Variants in ZYG11A observed in about 807,000 individuals in gnomAD.
ZYG11A encodes zyg-11 family member A, cell cycle regulator.
In ZYG11A, 62 loss-of-function variants were observed where a neutral mutation model predicts 77.2. The ratio of observed to expected loss-of-function variants is 0.80; its 90% CI spans 0.65 to 0.99. The LOEUF (loss-of-function observed/expected upper bound fraction) is 0.99. ZYG11A is among the 50% of genes least tolerant of loss of function. The pLI is 0.00. For synonymous variants in ZYG11A, 315 were observed against 324.6 expected (o/e 0.97, Z 0.32); for missense variants, 828 against 896.8 (o/e 0.92, Z 0.98).
In ZYG11A at chr1:52,850,935, C is replaced by G. The variant is rs556983973; in HGVS notation, c.91-3530C>G. The stretch of plus-strand genomic sequence containing the variant: ...ATTTCAGTTATTTTGGGATTTGTTT[C>G]TATTGACTTTTTTTTCCTGCTTCTC... On this transcript the variant is annotated intron_variant, in intron 1 of 13. Coordinates refer to ENST00000371528, the MANE Select transcript of ZYG11A (RefSeq NM_001004339.3). Among the ~76,000 whole-genome samples, 31 of 152,158 alleles carry G rather than the reference C, an allele frequency of 2.0e-4. 1 individual carries two copies. The highest frequency in any genetic ancestry group is 1.7e-3 in the Admixed American group (26 of 15,272).
chr1:52,856,586 AAAT>A (rs1165799272), intron 2 of ZYG11A, among the ~76,000 whole-genome samples: 1 of 152,184 alleles, frequency 6.6e-6, no homozygotes, highest in Non-Finnish European at 1.5e-5. Context: ...ATTTGGTTAA[AAAT>A]AATATTAGTA....
Position 52,887,868 on chromosome 1 carries a change from T to G in ZYG11A, c.2104+815T>G, listed in dbSNP as rs193067475. ...TGTCTTAAAAAAATAAAATCCCCTT[T>G]GAGAATTTTCCGTTGATATCCTTTG... On this transcript the variant is annotated intron_variant, in intron 13 of 13. Coordinates refer to ENST00000371528, the MANE Select transcript of ZYG11A (RefSeq NM_001004339.3). Among the ~76,000 whole-genome samples, 18 of 152,296 alleles carry G rather than the reference T, an allele frequency of 1.2e-4. 1 individual carries two copies. In the East Asian group the frequency reaches 3.5e-3, roughly 29 times the overall value.
intron 4 of ZYG11A, among the ~76,000 whole-genome samples, chr1:52,861,749 G>A (rs1402365957): frequency 6.6e-6 from 1 of 152,028 alleles, no homozygotes; most frequent in Non-Finnish European, 1.5e-5. Context: ...CAGCTCAAAA[G>A]CTGTATAAAG....
intron 1 of ZYG11A, among the ~76,000 whole-genome samples, chr1:52,843,476 G>T (rs1645493543): frequency 6.6e-6 from 1 of 152,190 alleles, no homozygotes; most frequent in South Asian, 2.1e-4. Flanking sequence ...GAGGCCTTTG[G>T]GCCCGGGGCC....
chr1:52,850,319 A>ATTT (rs1333938329), intron 1 of ZYG11A, among the ~76,000 whole-genome samples: 1 of 134,122 alleles, frequency 7.5e-6, no homozygotes, highest in Non-Finnish European at 1.6e-5. Flanking sequence ...ACGCCCAGCT[A>ATTT]TTTTTTTTTT....
intron 8 of ZYG11A, among the ~76,000 whole-genome samples, chr1:52,873,781 C>T (rs1405717482): frequency 6.6e-6 from 1 of 151,854 alleles, no homozygotes; most frequent in Non-Finnish European, 1.5e-5. Flanking sequence ...GTTAAGAAAT[C>T]GAGACCAGCC....
In ZYG11A at chr1:52,877,707, AGAC is replaced by A; in HGVS notation, c.1569_1571del (p.Lys523_Thr524delinsAsn). The A allele has an allele frequency of 6.4e-7, 1 of 1,550,428 alleles. No homozygotes were observed. Among genetic ancestry groups the A allele is most frequent in the South Asian group, 1.2e-5 (1 of 83,466 alleles). ...GAACTTCTAGCAATAGTAAAACAAA[AGAC>A]TACTGAGAATTTAGATGATGTCACC... On this transcript the variant is annotated inframe_deletion, in exon 9 of 14. Coordinates refer to ENST00000371528, the MANE Select transcript of ZYG11A (RefSeq NM_001004339.3).
Position 52,857,743 on chromosome 1 carries a change from C to A in ZYG11A, c.1002C>A (p.Gly334=). Residue 334 remains glycine, a synonymous_variant, in exon 3 of 14, where the codon GGC becomes GGA. Coordinates refer to ENST00000371528, the MANE Select transcript of ZYG11A (RefSeq NM_001004339.3). ...GSSDFFTTKQ[G]LRVAGGASMS... ...CTGACTTCTTTACTACAAAGCAAGG[C>A]TTGAGGGTTTGTTCTTATCTGAATA... is the stretch of plus-strand genomic sequence containing the variant. 1 of 1,543,936 alleles carries A rather than the reference C, an allele frequency of 6.5e-7. No homozygotes were observed. The highest frequency in any genetic ancestry group is 8.7e-7 in the Non-Finnish European group (1 of 1,143,630).
chr1:52,865,280 A>G (rs1242988229), intron 5 of ZYG11A, among the ~76,000 whole-genome samples: 1 of 152,158 alleles, frequency 6.6e-6, no homozygotes, highest in Non-Finnish European at 1.5e-5. Flanking sequence ...GAAAAGGTAG[A>G]TGATAGACTG....
chr1:52,867,472 T>C (rs1183938202), intron 6 of ZYG11A, 67 bp from the exon 7 acceptor site: 10 of 1,052,906 alleles, frequency 9.5e-6, no homozygotes, highest in Admixed American at 4.3e-5. Flanking sequence ...GAATGCCAAA[T>C]GATTTCTTCT....
intron 13 of ZYG11A, among the ~76,000 whole-genome samples, chr1:52,887,578 A>G (rs984687150): frequency 2.6e-5 from 4 of 152,116 alleles, no homozygotes; most frequent in African/African-American, 9.6e-5. Context: ...CATGTTTTGC[A>G]ATTTAAAATC....
chr1:52,884,632 C>T (rs976249946), intron 11 of ZYG11A, among the ~76,000 whole-genome samples: 3 of 151,768 alleles, frequency 2.0e-5, no homozygotes, highest in African/African-American at 4.8e-5. Context: ...CCAGCCTGGG[C>T]AACAAGAGTG....
At chr1:52,875,363 G>A (rs533950635) in intron 8 of ZYG11A, among the ~76,000 whole-genome samples, 2 of 152,182 alleles carry the variant, frequency 1.3e-5, no homozygotes, top group Non-Finnish European at 2.9e-5. Context: ...CAGAGGTGGG[G>A]TCAGTCTTTA....
At chr1:52,850,608 G>A (rs1196712368) in intron 1 of ZYG11A, among the ~76,000 whole-genome samples, 4 of 151,786 alleles carry the variant, frequency 2.6e-5, no homozygotes, top group Non-Finnish European at 5.9e-5. Flanking sequence ...GTGAGCCACC[G>A]CGCCCAACTT....
chr1:52,854,866 TA>T (rs1283193963), intron 2 of ZYG11A, among the ~76,000 whole-genome samples: 1 of 133,782 alleles, frequency 7.5e-6, no homozygotes, highest in Admixed American at 7.5e-5. Flanking sequence ...ATCTGCTCTC[TA>T]GCTTTGTTTT....
rs189712688 is a variant in ZYG11A, at chr1:52,855,771, G to A, written c.256+1141G>A. ...CCTTTTTATAGTCGCATATTCTACT[G>A]TATGGACATACCACATTGTATTTAT... On this transcript the variant is annotated intron_variant, in intron 2 of 13. Coordinates refer to ENST00000371528, the MANE Select transcript of ZYG11A (RefSeq NM_001004339.3). Among the ~76,000 whole-genome samples, 16 of 152,312 alleles carry A rather than the reference G, an allele frequency of 1.1e-4. No homozygotes were observed. The East Asian group carries it at 3.1e-3, about 29-fold the overall frequency.
chr1:52,847,702 GCT>G (rs1324704348), intron 1 of ZYG11A, among the ~76,000 whole-genome samples: 1 of 141,708 alleles, frequency 7.1e-6, no homozygotes, highest in Non-Finnish European at 1.5e-5. Flanking sequence ...ACGGAGTCTC[GCT>G]CTGTTTCCAG....
intron 2 of ZYG11A, among the ~76,000 whole-genome samples, chr1:52,855,448 C>G (rs1368808262): frequency 6.6e-6 from 1 of 152,120 alleles, no homozygotes; most frequent in African/African-American, 2.4e-5. Context: ...CCTCGGCCTC[C>G]CAAAGTGCTG....
intron 13 of ZYG11A, among the ~76,000 whole-genome samples, chr1:52,892,482 T>C (rs1165852009): frequency 6.6e-6 from 1 of 150,668 alleles, no homozygotes; most frequent in Non-Finnish European, 1.5e-5. Context: ...GAACCGAGAT[T>C]GCGCCACTGC....
Sources: gnomAD v4.1 joint callset for allele counts (sites outside exome capture counted in the v4.1 genomes callset) on GRCh38, gnomAD v4.1.1 for gene constraint, MANE v1.5 for transcripts, NCBI Gene and HGNC (gene_info 2026-07-23, HGNC 2026-07-21) for gene names.